Variants in SLC35F4 observed in about 807,000 individuals in gnomAD.
SLC35F4 encodes the protein chromosome 14 open reading frame 36.
A neutral mutation model predicts 44.2 loss-of-function variants in SLC35F4; 24 were observed. The ratio of observed to expected loss-of-function variants is 0.54; its 90% CI spans 0.39 to 0.76. SLC35F4 has a LOEUF of 0.76. Ranked by LOEUF, SLC35F4 falls within the 30% of genes least tolerant of loss-of-function variation. The pLI, the probability that SLC35F4 is intolerant of heterozygous loss-of-function variation, is 0.00. For missense variants in SLC35F4, 562 were observed against 586.1 expected (o/e 0.96, Z 0.42); for synonymous variants, 238 against 223.6 (o/e 1.06, Z -0.57).
chr14:57,968,615 G>T (rs751357370), intron 1 of SLC35F4, among the ~76,000 whole-genome samples: 29 of 152,186 alleles, frequency 1.9e-4, no homozygotes, highest in African/African-American at 6.3e-4. Context: ...TAGCTGGAAC[G>T]AATTAGAAAT....
At chr14:57,622,667 T>G (rs1391286634) in intron 1 of SLC35F4, among the ~76,000 whole-genome samples, 2 of 151,762 alleles carry the variant, frequency 1.3e-5, no homozygotes, top group Non-Finnish European at 2.9e-5. Context: ...TGGGGACTGT[T>G]GTGGGGTTGG....
intron 1 of SLC35F4, among the ~76,000 whole-genome samples, chr14:57,812,449 G>A (rs1016037904): frequency 6.6e-6 from 1 of 152,172 alleles, no homozygotes; most frequent in African/African-American, 2.4e-5. Context: ...GGCTTAGGGA[G>A]ATATTTCACT....
intron 1 of SLC35F4, among the ~76,000 whole-genome samples, chr14:57,685,607 A>G (rs1315793015): frequency 2.6e-5 from 4 of 152,154 alleles, no homozygotes; most frequent in Admixed American, 2.6e-4. Context: ...GCTTCTTTAC[A>G]GTCCTAAACA....
chr14:57,636,953 A>G (rs905096521), intron 1 of SLC35F4, among the ~76,000 whole-genome samples: 2 of 152,140 alleles, frequency 1.3e-5, no homozygotes, highest in African/African-American at 4.8e-5. Flanking sequence ...ATCTGCCAAC[A>G]AAATGCAAGC....
chr14:57,586,774 A>T (rs2139865007), intron 3 of SLC35F4, among the ~76,000 whole-genome samples: 1 of 150,722 alleles, frequency 6.6e-6, no homozygotes, highest in South Asian at 2.1e-4. Flanking sequence ...CACCAAAAGC[A>T]ATGGCAACAA....
intron 1 of SLC35F4, among the ~76,000 whole-genome samples, chr14:57,891,642 C>T (rs1888765987): frequency 1.3e-5 from 2 of 152,078 alleles, no homozygotes; most frequent in Admixed American, 1.3e-4. Context: ...CTTTGGGAGG[C>T]CAAGGCAGGC....
chr14:57,584,148 T>A lies in SLC35F4; in HGVS notation c.588-2715A>T, dbSNP rs754918198. Among the ~76,000 whole-genome samples the A allele has an allele frequency of 9.2e-5, 14 of 152,184 alleles. No individual in the cohort carries two copies. In the South Asian group the frequency reaches 1.2e-3, roughly 13 times the overall value. The stretch of plus-strand genomic sequence containing the variant: ...TTTTTCCCCTAAGAAAACGTCCTTG[T>A]TAATAATATGGTATATATTTTTTTC... On this transcript the variant is annotated intron_variant, in intron 3 of 7. Coordinates refer to ENST00000556826, the MANE Select transcript of SLC35F4 (RefSeq NM_001306087.2).
chr14:57,764,182 C>T (rs1229128956), intron 1 of SLC35F4, among the ~76,000 whole-genome samples: 1 of 152,260 alleles, frequency 6.6e-6, no homozygotes, highest in African/African-American at 2.4e-5. Flanking sequence ...CCAGCTGAAC[C>T]TAGCAACCCA....
Position 57,592,589 on chromosome 14 carries a change from C to T in SLC35F4, c.289+1350G>A, listed in dbSNP as rs903058744. The stretch of plus-strand genomic sequence containing the variant: ...AACAACTGGGGTAATAGGAATATTG[C>T]AATTTATTAAAGCCAATTAAAACTT... On this transcript the variant is annotated intron_variant, in intron 2 of 7. Coordinates refer to ENST00000556826, the MANE Select transcript of SLC35F4 (RefSeq NM_001306087.2). Among the ~76,000 whole-genome samples, 10 of 152,072 alleles carry T rather than the reference C, an allele frequency of 6.6e-5. No homozygotes were observed. The East Asian group carries it at 1.2e-3, about 18-fold the overall frequency.
At position 57,632,584 on chromosome 14, in the gene SLC35F4, A is replaced by C. The variant is rs137949421; in HGVS notation, c.104-38460T>G. Among the ~76,000 whole-genome samples, 705 of 152,082 alleles carry C rather than the reference A, an allele frequency of 4.6e-3. 7 individuals are homozygous for C. Among genetic ancestry groups the C allele is most frequent in the African/African-American group, 0.016 (652 of 41,496 alleles). On this transcript the variant is annotated intron_variant, in intron 1 of 7. Coordinates refer to ENST00000556826, the MANE Select transcript of SLC35F4 (RefSeq NM_001306087.2). ...CCCCCACACATCCATAGCCTCCCCC[A>C]TTATCAACATTCCCCACCACAGTGG...
intron 4 of SLC35F4, chr14:57,580,352 T>G: frequency 6.0e-6 from 1 of 165,652 alleles, no homozygotes; most frequent in Middle Eastern, 5.9e-4. Context: ...CAAAATATGT[T>G]TCAAATTCTA....
At chr14:57,712,373 T>C (rs1472748417) in intron 1 of SLC35F4, among the ~76,000 whole-genome samples, 1 of 152,242 alleles carries the variant, frequency 6.6e-6, no homozygotes, top group Non-Finnish European at 1.5e-5. Context: ...TTTGCTTCTA[T>C]CTGGTTTTAG....
chr14:57,762,716 G>A (rs938941163), intron 1 of SLC35F4, among the ~76,000 whole-genome samples: 8 of 152,076 alleles, frequency 5.3e-5, no homozygotes, highest in South Asian at 2.1e-4. Flanking sequence ...TGAGTTCAGC[G>A]TCTCCCTTTC....
intron 1 of SLC35F4, among the ~76,000 whole-genome samples, chr14:57,772,826 G>A (rs779383847): frequency 5.8e-4 from 88 of 152,064 alleles, no homozygotes; most frequent in African/African-American, 1.5e-3. Context: ...TATGAGTACC[G>A]GTGTCTTTTT....
intron 1 of SLC35F4, among the ~76,000 whole-genome samples, chr14:57,770,138 C>G (rs1262576081): frequency 6.6e-6 from 1 of 152,144 alleles, no homozygotes; most frequent in Non-Finnish European, 1.5e-5. Flanking sequence ...GAGATGGAAG[C>G]TGGCTCTCCA....
intron 1 of SLC35F4, among the ~76,000 whole-genome samples, chr14:57,706,424 G>T (rs1307815627): frequency 6.6e-6 from 1 of 152,136 alleles, no homozygotes; most frequent in Non-Finnish European, 1.5e-5. Context: ...GTTTATTGAA[G>T]GTGGCCATGT....
upstream of SLC35F4, among the ~76,000 whole-genome samples, chr14:57,983,007 C>A (rs571634748): frequency 1.3e-3 from 203 of 152,356 alleles, no homozygotes; most frequent in African/African-American, 4.4e-3. Flanking sequence ...TGTGGCTCCG[C>A]CCCCAGACGC....
intron 1 of SLC35F4, among the ~76,000 whole-genome samples, chr14:57,802,407 A>G (rs2078212714): frequency 6.6e-6 from 1 of 152,106 alleles, no homozygotes; most frequent in South Asian, 2.1e-4. Context: ...CATCTCAACT[A>G]TAACTAGAGA....
intron 1 of SLC35F4, among the ~76,000 whole-genome samples, chr14:57,778,752 A>AG: frequency 6.6e-6 from 1 of 151,728 alleles, no homozygotes; most frequent in East Asian, 1.9e-4. Context: ...TAAAAAAAAA[A>AG]CAAAATTATA....
Sources: gnomAD v4.1 joint callset for allele counts (sites outside exome capture counted in the v4.1 genomes callset) on GRCh38, gnomAD v4.1.1 for gene constraint, MANE v1.5 for transcripts, NCBI Gene and HGNC (gene_info 2026-07-23, HGNC 2026-07-21) for gene names.